PTPRT: variants seen among roughly 807,000 people sequenced by gnomAD.
The protein encoded by PTPRT is protein tyrosine phosphatase receptor type T.
Under a neutral mutation model 176.8 loss-of-function variants are expected in PTPRT, and 56 were observed. The observed-to-expected ratio is 0.32, with a 90% confidence interval of 0.26 to 0.40. The LOEUF (loss-of-function observed/expected upper bound fraction) is 0.40. Ranked by LOEUF, PTPRT falls within the 10% of genes least tolerant of loss-of-function variation. The pLI, the probability that PTPRT is intolerant of heterozygous loss-of-function variation, is 1.00. For missense variants in PTPRT, 1,540 were observed against 1,908.2 expected (o/e 0.81, Z 3.60); for synonymous variants, 783 against 739.0 (o/e 1.06, Z -0.96).
chr20:42,612,312 G>A (rs2073988568), intron 7 of PTPRT, among the ~76,000 whole-genome samples: 1 of 152,182 alleles, frequency 6.6e-6, no homozygotes, highest in Non-Finnish European at 1.5e-5. Flanking sequence ...ACAACTGTCA[G>A]CAAGAACAGT....
chr20:42,331,276 G>A (rs1030232113), intron 11 of PTPRT, among the ~76,000 whole-genome samples: 1 of 152,116 alleles, frequency 6.6e-6, no homozygotes, highest in African/African-American at 2.4e-5. Context: ...CTAACTTGGC[G>A]ATTAGAACCC....
chr20:42,373,044 C>G (rs1348502700), intron 9 of PTPRT, among the ~76,000 whole-genome samples: 1 of 152,240 alleles, frequency 6.6e-6, no homozygotes, highest in African/African-American at 2.4e-5. Flanking sequence ...TGACAGGGAT[C>G]TCAGTGAAAT....
chr20:42,467,655 T>C (rs2071122483), intron 8 of PTPRT, among the ~76,000 whole-genome samples: 1 of 152,202 alleles, frequency 6.6e-6, no homozygotes. Flanking sequence ...TTCTGCACTT[T>C]ACTTTCAAAT....
chr20:42,096,015 T>A (rs1600495316), intron 27 of PTPRT, among the ~76,000 whole-genome samples: 1 of 152,300 alleles, frequency 6.6e-6, no homozygotes, highest in Admixed American at 6.5e-5. Flanking sequence ...AGACTCAACT[T>A]CCTGCCATTA....
intron 8 of PTPRT, among the ~76,000 whole-genome samples, chr20:42,466,998 A>G (rs1308481273): frequency 6.6e-6 from 1 of 152,224 alleles, no homozygotes; most frequent in African/African-American, 2.4e-5. Context: ...TGAGCATCAC[A>G]GAGAATGGCA....
chr20:42,532,483 T>C (rs1166224954), intron 7 of PTPRT, among the ~76,000 whole-genome samples: 2 of 152,118 alleles, frequency 1.3e-5, no homozygotes, highest in African/African-American at 2.4e-5. Context: ...TTCACTGCAG[T>C]CTTGACCTCC....
At chr20:42,920,073 A>G (rs1979043601) in intron 1 of PTPRT, among the ~76,000 whole-genome samples, 1 of 152,230 alleles carries the variant, frequency 6.6e-6, no homozygotes, top group South Asian at 2.1e-4. Context: ...TAGATGATCA[A>G]GAACATATTA....
intron 15 of PTPRT, among the ~76,000 whole-genome samples, chr20:42,200,796 T>C (rs972982351): frequency 3.3e-5 from 5 of 152,114 alleles, no homozygotes; most frequent in African/African-American, 9.7e-5. Flanking sequence ...ATCTTGAGAG[T>C]AAATTTCTCC....
At chr20:42,750,553 T>C (rs145422291) in intron 6 of PTPRT, among the ~76,000 whole-genome samples, 78 of 152,230 alleles carry the variant, frequency 5.1e-4, no homozygotes, top group African/African-American at 1.8e-3. Context: ...CCTCCCTTGG[T>C]AGGAAGTCAC....
At chr20:43,138,517 T>C (rs1372546255) in intron 1 of PTPRT, among the ~76,000 whole-genome samples, 1 of 152,218 alleles carries the variant, frequency 6.6e-6, no homozygotes, top group Non-Finnish European at 1.5e-5. Context: ...CTGTGAGGAC[T>C]GAGTGAAACA....
At chr20:42,068,487 TTC>T (rs1484336212), downstream of PTPRT, among the ~76,000 whole-genome samples, 2 of 152,192 alleles carry the variant, frequency 1.3e-5, no homozygotes, top group African/African-American at 4.8e-5. Context: ...TTCTTCAAGA[TTC>T]TCTCTGCTGT....
chr20:43,091,200 T>C (rs1459482335), intron 1 of PTPRT, among the ~76,000 whole-genome samples: 2 of 151,850 alleles, frequency 1.3e-5, no homozygotes, highest in Non-Finnish European at 2.9e-5. Flanking sequence ...GCCACTGCAC[T>C]CCAGCCTGGG....
At chr20:42,896,615 AC>A (rs149498549) in intron 1 of PTPRT, among the ~76,000 whole-genome samples, 2,800 of 149,906 alleles carry the variant, frequency 0.019, 108 homozygotes, top group African/African-American at 0.065. Flanking sequence ...AATCTAAGCA[AC>A]ATGAGCACAA....
intron 1 of PTPRT, among the ~76,000 whole-genome samples, chr20:43,061,560 T>C (rs1303187543): frequency 2.6e-5 from 4 of 152,256 alleles, no homozygotes; most frequent in Non-Finnish European, 5.9e-5. Context: ...GCTCTACTGC[T>C]ATGAAGTGGT....
chr20:42,334,881 G>T (rs529170008), intron 11 of PTPRT, among the ~76,000 whole-genome samples: 4 of 152,250 alleles, frequency 2.6e-5, no homozygotes, highest in South Asian at 4.2e-4. Context: ...AGTTAAAAGC[G>T]GAAGAATTAA....
At chr20:43,046,486 G>A (rs990202054) in intron 1 of PTPRT, among the ~76,000 whole-genome samples, 7 of 151,794 alleles carry the variant, frequency 4.6e-5, no homozygotes, top group Middle Eastern at 3.4e-3. Context: ...GGAGAATGGC[G>A]TGAACCCGGG....
chr20:43,038,050 G>A (rs1986454899), intron 1 of PTPRT, among the ~76,000 whole-genome samples: 2 of 151,378 alleles, frequency 1.3e-5, no homozygotes, highest in Non-Finnish European at 2.9e-5. Context: ...CCTGACCTGA[G>A]CCTATTTATA....
At chr20:42,428,327 T>A (rs1010992953) in intron 9 of PTPRT, among the ~76,000 whole-genome samples, 2 of 152,234 alleles carry the variant, frequency 1.3e-5, no homozygotes, top group Admixed American at 6.5e-5. Flanking sequence ...CAGGTTAGGT[T>A]TCTTTTCATT....
At chr20:42,237,451 G>A (rs1268427100) in intron 14 of PTPRT, among the ~76,000 whole-genome samples, 1 of 152,202 alleles carries the variant, frequency 6.6e-6, no homozygotes, top group African/African-American at 2.4e-5. Flanking sequence ...GAAGTCTGGG[G>A]GTTCTATAGC....
Sources: gnomAD v4.1 joint callset for allele counts (sites outside exome capture counted in the v4.1 genomes callset) on GRCh38, gnomAD v4.1.1 for gene constraint, MANE v1.5 for transcripts, NCBI Gene and HGNC (gene_info 2026-07-23, HGNC 2026-07-21) for gene names.